The following NCAM2 variants were observed in gnomAD, a reference collection of about 807,000 sequenced individuals.
The protein encoded by NCAM2 is neural cell adhesion molecule 2.
NCAM2 carries 30 observed loss-of-function variants against 98.1 expected under a neutral mutation model. The observed-to-expected ratio is 0.31, with a 90% CI of 0.23 to 0.41. The LOEUF is 0.41. Ranked by LOEUF, NCAM2 falls within the 10% of genes least tolerant of loss-of-function variation. The probability of loss-of-function intolerance (pLI) is 1.00; values close to 1 mark genes in which losing one functional copy is unlikely to be tolerated. For missense variants in NCAM2, 867 were observed against 1,005.8 expected (o/e 0.86, Z 1.87); for synonymous variants, 368 against 342.4 (o/e 1.07, Z -0.83).
intron 1 of NCAM2, among the ~76,000 whole-genome samples, chr21:21,219,910 A>G (rs1319900324): frequency 6.6e-6 from 1 of 152,190 alleles, no homozygotes; most frequent in East Asian, 1.9e-4. Context: ...TGTTTGCGTC[A>G]CAGTTTTTAA....
chr21:21,129,832 G>A (rs760365808), intron 1 of NCAM2, among the ~76,000 whole-genome samples: 8 of 152,158 alleles, frequency 5.3e-5, no homozygotes, highest in Non-Finnish European at 1.2e-4. Flanking sequence ...TGATGAATCT[G>A]TATATTTTCA....
At chr21:21,425,468 A>G (rs887304592) in intron 11 of NCAM2, among the ~76,000 whole-genome samples, 2 of 152,154 alleles carry the variant, frequency 1.3e-5, no homozygotes, top group African/African-American at 4.8e-5. Context: ...AGATAAGTGA[A>G]TCTGGGTGTC....
chr21:21,397,746 T>C (rs2076543068), intron 9 of NCAM2, among the ~76,000 whole-genome samples: 1 of 152,240 alleles, frequency 6.6e-6, no homozygotes, highest in South Asian at 2.1e-4. Context: ...GCAGGGCTTC[T>C]TCCTGTTCCT....
At chr21:21,082,299 A>G (rs2065824134) in intron 1 of NCAM2, among the ~76,000 whole-genome samples, 1 of 151,526 alleles carries the variant, frequency 6.6e-6, no homozygotes, top group Non-Finnish European at 1.5e-5. Context: ...AAAAAACAAA[A>G]CAAAAACACC....
intron 1 of NCAM2, among the ~76,000 whole-genome samples, chr21:21,244,147 C>G (rs1204090074): frequency 2.6e-5 from 4 of 152,094 alleles, no homozygotes; most frequent in Admixed American, 2.6e-4. Context: ...GGTGGCAAGT[C>G]CTTGAACAAG....
rs371722375 is a variant in NCAM2, at chr21:21,347,243, A to G, written c.1044+8709A>G. Among the ~76,000 whole-genome samples, 19 of 152,060 alleles carry G rather than the reference A, an allele frequency of 1.2e-4. 1 individual carries two copies. In the East Asian group the frequency reaches 1.7e-3, roughly 14 times the overall value. On this transcript the variant is annotated intron_variant, in intron 8 of 17. Coordinates refer to ENST00000400546, the MANE Select transcript of NCAM2 (RefSeq NM_004540.5). ...AAATTGGAAAATCTAGAAGAAATAG[A>G]CGAATTCCTATATACATACAACCTA...
chr21:21,537,796 G>A (rs765499153), intron 17 of NCAM2, 50 bp from the exon 18 acceptor site: 13 of 939,942 alleles, frequency 1.4e-5, no homozygotes, highest in African/African-American at 1.2e-4. Context: ...GTTAAGGTAC[G>A]TCTCCTTAAA....
intron 4 of NCAM2, among the ~76,000 whole-genome samples, chr21:21,290,505 A>G (rs988178439): frequency 1.1e-4 from 16 of 151,866 alleles, no homozygotes; most frequent in African/African-American, 3.9e-4. Context: ...AGGGCATTTC[A>G]TGTTTGTGCT....
At chr21:21,103,903 T>C (rs772184346) in intron 1 of NCAM2, among the ~76,000 whole-genome samples, 72 of 152,090 alleles carry the variant, frequency 4.7e-4, no homozygotes, top group Non-Finnish European at 1.5e-4. Context: ...AAATGAAACA[T>C]GTTAGTACCA....
At chr21:21,293,694 T>C (rs1253421656) in intron 5 of NCAM2, among the ~76,000 whole-genome samples, 2 of 151,848 alleles carry the variant, frequency 1.3e-5, no homozygotes, top group Non-Finnish European at 2.9e-5. Flanking sequence ...TATGTAACTC[T>C]TTCTCTTTAT....
At chr21:21,308,862 T>G (rs112132561) in intron 5 of NCAM2, among the ~76,000 whole-genome samples, 4 of 152,270 alleles carry the variant, frequency 2.6e-5, no homozygotes, top group African/African-American at 9.6e-5. Context: ...CTTTTTGTAT[T>G]AATTTTTGGA....
At chr21:21,238,876 A>G (rs1345677581) in intron 1 of NCAM2, among the ~76,000 whole-genome samples, 5 of 152,218 alleles carry the variant, frequency 3.3e-5, no homozygotes, top group Non-Finnish European at 1.5e-5. Flanking sequence ...AATACTGATG[A>G]AGGCTTCAAT....
intron 1 of NCAM2, among the ~76,000 whole-genome samples, chr21:21,022,021 A>T (rs1392545661): frequency 6.6e-6 from 1 of 152,138 alleles, no homozygotes; most frequent in East Asian, 1.9e-4. Flanking sequence ...AAACAGTAAC[A>T]CAAGAAATTT....
At chr21:21,095,668 G>GA (rs1569017955) in intron 1 of NCAM2, among the ~76,000 whole-genome samples, 3 of 151,414 alleles carry the variant, frequency 2.0e-5, no homozygotes, top group Admixed American at 6.6e-5. Flanking sequence ...GAATACCTCA[G>GA]AAAAAATAAC....
At chr21:21,501,327 C>T (rs911621067) in intron 15 of NCAM2, among the ~76,000 whole-genome samples, 1 of 151,824 alleles carries the variant, frequency 6.6e-6, no homozygotes, top group African/African-American at 2.4e-5. Flanking sequence ...ATGTGTCTTC[C>T]ATAACGCAAA....
chr21:21,422,253 C>A (rs978003015), intron 11 of NCAM2, among the ~76,000 whole-genome samples: 2 of 152,094 alleles, frequency 1.3e-5, no homozygotes, highest in East Asian at 3.9e-4. Context: ...TAAGTGGGAG[C>A]TTAACAGTGT....
At chr21:21,425,207 A>G (rs7279832) in intron 11 of NCAM2, among the ~76,000 whole-genome samples, 2,022 of 152,166 alleles carry the variant, frequency 0.013, 53 homozygotes, top group African/African-American at 0.046. Flanking sequence ...AATAAAATGT[A>G]CGTATGTAAC....
At chr21:21,406,771 G>A (rs2076746486) in intron 9 of NCAM2, among the ~76,000 whole-genome samples, 1 of 151,988 alleles carries the variant, frequency 6.6e-6, no homozygotes, top group Non-Finnish European at 1.5e-5. Context: ...TAAGATTGAT[G>A]GACACATAAC....
chr21:21,241,709 T>G (rs2071072734), intron 1 of NCAM2, among the ~76,000 whole-genome samples: 1 of 116,836 alleles, frequency 8.6e-6, no homozygotes, highest in Admixed American at 9.9e-5. Context: ...AAGGCTCTGT[T>G]TTTTTTTTTA....
Sources: gnomAD v4.1 joint callset for allele counts (sites outside exome capture counted in the v4.1 genomes callset) on GRCh38, gnomAD v4.1.1 for gene constraint, MANE v1.5 for transcripts, NCBI Gene and HGNC (gene_info 2026-07-23, HGNC 2026-07-21) for gene names.